The following NYAP2 variants were observed in gnomAD, a reference collection of about 807,000 sequenced individuals.
NYAP2 encodes neuronal tyrosine-phosphorylated phosphoinositide-3-kinase adaptor 2.
NYAP2 carries 23 observed loss-of-function variants against 50.4 expected under a neutral mutation model. The ratio of observed to expected loss-of-function variants is 0.46; its 90% CI spans 0.33 to 0.65. The LOEUF (loss-of-function observed/expected upper bound fraction) is 0.65. NYAP2 is among the 30% of genes least tolerant of loss of function. NYAP2 has a pLI of 0.02. For missense variants in NYAP2, 885 were observed against 861.0 expected (o/e 1.03, Z -0.35); for synonymous variants, 394 against 365.2 (o/e 1.08, Z -0.90).
At chr2:225,450,892 C>G (rs766127160) in intron 3 of NYAP2, among the ~76,000 whole-genome samples, 21 of 152,132 alleles carry the variant, frequency 1.4e-4, no homozygotes, top group Non-Finnish European at 2.5e-4. Context: ...ATCACTATGG[C>G]CAGAAAATTC....
chr2:225,582,801 T>C lies in NYAP2; in HGVS notation c.1384T>C (p.Ser462Pro). ...GCCTCCCCCTTACGACGCTGTGCAT[T>C]CGGGCAGCCTCTCAAGGAGCTCTCC... is the stretch of plus-strand genomic sequence containing the variant. The change falls in exon 5 of 7, where the codon TCG (serine) becomes CCG (proline). Residue 462 changes from serine (S) to proline (P), a missense_variant. Physicochemically the swap from Ser to Pro is moderately conservative, Grantham distance 74. Transcript: ENST00000636099. The surrounding 1 kb of genome is among the most constrained non-coding windows in gnomAD (Gnocchi z 7.0). The C allele has an allele frequency of 6.2e-7, 1 of 1,613,748 alleles. No homozygotes were observed. Among genetic ancestry groups the C allele is most frequent in the Non-Finnish European group, 8.5e-7 (1 of 1,179,852 alleles).
At chr2:225,649,061 G>T (rs140697862) in intron 6 of NYAP2, among the ~76,000 whole-genome samples, 207 of 152,216 alleles carry the variant, frequency 1.4e-3, no homozygotes, top group African/African-American at 4.8e-3. Flanking sequence ...GAGGAATAGA[G>T]GTAAGGGTCA....
chr2:225,556,359 C>T lies in NYAP2; in HGVS notation c.524-25582C>T, dbSNP rs559431987. On this transcript the variant is annotated intron_variant, in intron 4 of 6. Coordinates refer to ENST00000636099, the Ensembl canonical transcript of NYAP2. ...TTACATGTTAAACATATTACATAGGCTATTACCAGCTGTTGCAAACTCAAT... is the reference window on the plus strand; with the variant it reads ...TTACATGTTAAACATATTACATAGGTTATTACCAGCTGTTGCAAACTCAAT... Among the ~76,000 whole-genome samples the T allele has an allele frequency of 5.3e-5, 8 of 152,250 alleles. No homozygotes were observed. In the East Asian group the frequency reaches 1.3e-3, roughly 26 times the overall value.
rs1337664722 is a variant in NYAP2 at position 225,582,525 on chromosome 2, T to A, written c.1108T>A (p.Ser370Thr). Residue 370 changes from serine (S) to threonine (T), a missense_variant, in exon 5 of 7, where the codon TCT (serine) becomes ACT (threonine). Coordinates refer to ENST00000636099, the Ensembl canonical transcript of NYAP2. This position sits in a 1 kb window ranked among gnomAD's most constrained non-coding sequence, Gnocchi z 7.0. ...GAAGCTTCCCGTGCTGGAAAACGTG[T>A]CTTACATGAAACAGCCAGCCGGGGC... 6.4e-7 allele frequency: 1 copy of A among 1,557,974 alleles called. No homozygotes were observed. Among genetic ancestry groups the A allele is most frequent in the Non-Finnish European group, 8.7e-7 (1 of 1,151,152 alleles).
chr2:225,440,352 A>C (rs1689449708), intron 3 of NYAP2, among the ~76,000 whole-genome samples: 1 of 152,234 alleles, frequency 6.6e-6, no homozygotes, highest in Admixed American at 6.5e-5. Flanking sequence ...TGATAACTTC[A>C]ACAATGCTAT....
downstream of NYAP2, among the ~76,000 whole-genome samples, chr2:225,654,713 AAAAC>A (rs1471543211): frequency 1.3e-5 from 2 of 152,098 alleles, no homozygotes; most frequent in African/African-American, 4.8e-5. Flanking sequence ...AAAAATAAAT[AAAAC>A]AAACAAAATC....
At chr2:225,500,408 G>A (rs141772171) in intron 3 of NYAP2, among the ~76,000 whole-genome samples, 102 of 152,250 alleles carry the variant, frequency 6.7e-4, no homozygotes, top group African/African-American at 2.2e-3. Context: ...CAATGATTCC[G>A]TAAATACATG....
At chr2:225,570,658 T>A (rs2106221621) in intron 4 of NYAP2, among the ~76,000 whole-genome samples, 1 of 152,234 alleles carries the variant, frequency 6.6e-6, no homozygotes, top group South Asian at 2.1e-4. Flanking sequence ...ACTGGGCCCA[T>A]CCCATAACAC....
At chr2:225,432,602 G>A (rs1036845299) in intron 3 of NYAP2, among the ~76,000 whole-genome samples, 1 of 152,016 alleles carries the variant, frequency 6.6e-6, no homozygotes, top group Non-Finnish European at 1.5e-5. Context: ...TTGAGAGCTG[G>A]AGTTATATCT....
At chr2:225,687,554 C>A in the NYAP2 span, among the ~76,000 whole-genome samples, 1 of 152,138 alleles carries the variant, frequency 6.6e-6, no homozygotes, top group Non-Finnish European at 1.5e-5. Context: ...CACATATATT[C>A]TTTAAGACAC....
At chr2:225,505,221 A>C (rs1690684426) in intron 3 of NYAP2, among the ~76,000 whole-genome samples, 1 of 152,170 alleles carries the variant, frequency 6.6e-6, no homozygotes, top group African/African-American at 2.4e-5. Flanking sequence ...ATCAATAAAG[A>C]GCCAGACACA....
At chr2:225,520,517 T>C (rs1691033127) in intron 4 of NYAP2, among the ~76,000 whole-genome samples, 1 of 152,234 alleles carries the variant, frequency 6.6e-6, no homozygotes, top group Non-Finnish European at 1.5e-5. Context: ...TGGCACCATT[T>C]ATTAAATAGG....
At chr2:225,621,786 T>C (rs1693108313) in intron 5 of NYAP2, among the ~76,000 whole-genome samples, 1 of 152,082 alleles carries the variant, frequency 6.6e-6, no homozygotes, top group African/African-American at 2.4e-5. Flanking sequence ...GGTATACACA[T>C]GCCATGGTGG....
intron 3 of NYAP2, among the ~76,000 whole-genome samples, chr2:225,510,573 C>A (rs1421937046): frequency 6.6e-6 from 1 of 152,152 alleles, no homozygotes. Flanking sequence ...GGGCTAATAA[C>A]CTTTCTGGGT....
chr2:225,581,653 C>A (rs1692270198), intron 4 of NYAP2, among the ~76,000 whole-genome samples: 1 of 152,090 alleles, frequency 6.6e-6, no homozygotes, highest in South Asian at 2.1e-4. Context: ...CATCTGAAAG[C>A]TTCTCCTTAG....
In NYAP2 at chr2:225,409,073, C is replaced by T. The variant is rs754105472; in HGVS notation, c.193C>T (p.Arg65Cys). 10 of 1,607,570 alleles carry T rather than the reference C, an allele frequency of 6.2e-6. No individual in the cohort carries two copies. The highest frequency in any genetic ancestry group is 3.3e-4 in the Middle Eastern group (2 of 6,062). The change falls in exon 3 of 7, where the codon CGC (arginine) becomes TGC (cysteine). Residue 65 changes from arginine (R) to cysteine (C), a missense_variant. Physicochemically the swap from Arg to Cys is radical, Grantham distance 180 (BLOSUM62 -3). Coordinates refer to ENST00000636099, the Ensembl canonical transcript of NYAP2. ...CTATTTGAAAGAGAAGAATGAAAAA[C>T]GCCGAAGACAAGAAGAAGCAATAAA...
the NYAP2 span, among the ~76,000 whole-genome samples, chr2:225,661,999 C>T: frequency 2.0e-5 from 3 of 152,204 alleles, no homozygotes; most frequent in Non-Finnish European, 4.4e-5. Context: ...GCTGGAATTA[C>T]AGGCGTGAGC....
chr2:225,625,644 T>G, intron 5 of NYAP2, among the ~76,000 whole-genome samples: 1 of 149,510 alleles, frequency 6.7e-6, no homozygotes, highest in South Asian at 2.1e-4. Context: ...GGGGGAGGAG[T>G]AGGGAGGAAG....
chr2:225,506,244 A>G (rs530874321), intron 3 of NYAP2, among the ~76,000 whole-genome samples: 1 of 152,276 alleles, frequency 6.6e-6, no homozygotes, highest in Admixed American at 6.5e-5. Context: ...TAGTGACTAG[A>G]ATGGTGAGCA....
Sources: gnomAD v4.1 joint callset for allele counts (sites outside exome capture counted in the v4.1 genomes callset) on GRCh38, gnomAD v4.1.1 for gene constraint, Gnocchi (gnomAD v3.1) non-coding constraint, MANE v1.5 for transcripts, NCBI Gene and HGNC (gene_info 2026-07-23, HGNC 2026-07-21) for gene names.